FXR1: variants seen among roughly 807,000 people sequenced by gnomAD.
The protein encoded by FXR1 is RNA-binding protein FXR1.
A neutral mutation model predicts 84.0 loss-of-function variants in FXR1; 15 were observed. That is an observed-to-expected ratio of 0.18 (90% CI 0.12 to 0.27). FXR1 has a LOEUF of 0.27. FXR1 is among the 10% of genes least tolerant of loss of function. The pLI, the probability that FXR1 is intolerant of heterozygous loss-of-function variation, is 1.00. For missense variants in FXR1, 480 were observed against 774.4 expected (o/e 0.62, Z 4.51); for synonymous variants, 245 against 250.7 (o/e 0.98, Z 0.21).
chr3:180,917,055 C>T (rs143867854), intron 1 of FXR1, among the ~76,000 whole-genome samples: 1 of 151,848 alleles, frequency 6.6e-6, no homozygotes, highest in Non-Finnish European at 1.5e-5. Context: ...AGGATGTTCT[C>T]GATCTCCAGG....
chr3:180,925,774 G>A (rs1719102214), intron 1 of FXR1, among the ~76,000 whole-genome samples: 1 of 152,222 alleles, frequency 6.6e-6, no homozygotes, highest in Admixed American at 6.5e-5. Flanking sequence ...ATTGATCAAG[G>A]GATAAAAAGT....
chr3:180,928,723 G>C (rs1212232569), intron 1 of FXR1, among the ~76,000 whole-genome samples: 4 of 152,134 alleles, frequency 2.6e-5, no homozygotes, highest in African/African-American at 7.2e-5. Flanking sequence ...ACAGCTGCCT[G>C]TTGTTTACAT....
chr3:180,918,281 T>C (rs867238594), intron 1 of FXR1, among the ~76,000 whole-genome samples: 1 of 152,150 alleles, frequency 6.6e-6, no homozygotes, highest in Non-Finnish European at 1.5e-5. Flanking sequence ...CCAAGAACTC[T>C]GTGAGGTTGG....
intron 14 of FXR1, among the ~76,000 whole-genome samples, chr3:180,968,562 ATTTTGGGGTTATGTTT>A (rs1713132536): frequency 6.6e-6 from 1 of 152,032 alleles, no homozygotes; most frequent in African/African-American, 2.4e-5. Context: ...TTTCCCTAGA[ATTTTGGGGTTATGTTT>A]TTTTGTTTGC....
chr3:180,932,304 T>A (rs1258038606), intron 1 of FXR1, among the ~76,000 whole-genome samples: 4 of 152,154 alleles, frequency 2.6e-5, no homozygotes, highest in Non-Finnish European at 4.4e-5. Flanking sequence ...GTGATAAAGA[T>A]GTTTTAGAAA....
At chr3:180,936,798 C>T (rs1720573738) in intron 3 of FXR1, among the ~76,000 whole-genome samples, 1 of 152,178 alleles carries the variant, frequency 6.6e-6, no homozygotes, top group South Asian at 2.1e-4. Flanking sequence ...CAAAATAGTA[C>T]ACAGTGAACT....
rs1263192205 is a variant in FXR1, at chr3:180,951,421, G to A, written c.754G>A (p.Ala252Thr). 5.6e-6 allele frequency: 9 copies of A among 1,612,792 alleles called. No homozygotes were observed. The highest frequency in any genetic ancestry group is 2.2e-5 in the South Asian group (2 of 91,036). ...QQARKVPGVT[A>T]IELDEDTGTF... ...AGCTAGGAAGGTTCCTGGAGTTACCGCCATTGAGCTAGATGAAGATACTGG... is the reference window on the plus strand; with the variant it reads ...AGCTAGGAAGGTTCCTGGAGTTACCACCATTGAGCTAGATGAAGATACTGG... The change falls in exon 8 of 17, where the codon GCC becomes ACC. Residue 252 changes from alanine to threonine, a missense_variant. This residue lies in a region of FXR1 where 136 missense variants were observed against 315.4 expected (regional missense o/e 0.43). Transcript: ENST00000357559.
At chr3:180,961,605 A>G (rs1368629809) in intron 11 of FXR1, 51 bp downstream of exon 11, 5 of 836,560 alleles carry the variant, frequency 6.0e-6, no homozygotes, top group Non-Finnish European at 1.0e-5. Context: ...CATTTACTAC[A>G]TAAATGTTGT....
At position 180,981,185 on chromosome 3, in the gene FXR1, T is replaced by C. The variant is rs909363008; in HGVS notation, c.*4893T>C. On this transcript the variant is annotated 3_prime_UTR_variant, in exon 17 of 17. Transcript: ENST00000357559. ...TCTGCATTCTAACCTAAAACCCCTC[T>C]AACCCTTTAAATGAAGCATTATGCC... 6.6e-6 allele frequency: 1 copy of C among 152,078 alleles called. No individual in the cohort carries two copies. Among genetic ancestry groups the C allele is most frequent in the Middle Eastern group, 3.4e-3 (1 of 294 alleles). 9.4% of individuals were successfully genotyped at this position (152,078 alleles called of 1,614,324 possible).
chr3:180,922,924 C>T (rs984421050), intron 1 of FXR1, among the ~76,000 whole-genome samples: 3 of 152,116 alleles, frequency 2.0e-5, no homozygotes, highest in African/African-American at 4.8e-5. Flanking sequence ...CCTCCCCATC[C>T]TTTTAACTTC....
At chr3:180,942,377 CAAA>C (rs765066164) in intron 3 of FXR1, among the ~76,000 whole-genome samples, 16 of 31,100 alleles carry the variant, frequency 5.1e-4, no homozygotes, top group East Asian at 1.4e-3. Context: ...GACTCCGTCT[CAAA>C]AAAAAAAAAA....
In FXR1 at chr3:180,957,986, T is replaced by G. The variant is rs1711548332; in HGVS notation, c.990+58T>G. On this transcript the variant is annotated intron_variant, in intron 10 of 16. Transcript: ENST00000357559. ...AATGTCCTTTTTTTGGCCAACTTAA[T>G]AGTTGTAAACATTTTGTCTGTTTTA... The G allele has an allele frequency of 4.1e-6, 3 of 740,722 alleles. No individual in the cohort carries two copies. In the East Asian group the frequency reaches 7.9e-5, roughly 19 times the overall value. 45.9% of individuals were successfully genotyped at this position (740,722 alleles called of 1,614,324 possible). A position where few individuals can be genotyped will look rare whatever the true frequency, so the allele number is the denominator to read the frequency against.
chr3:180,951,760 A>AT (rs113291593), intron 8 of FXR1, among the ~76,000 whole-genome samples: 4,800 of 152,298 alleles, frequency 0.032, 262 homozygotes, highest in African/African-American at 0.11. Flanking sequence ...CTATCGAAGT[A>AT]TTTTTTTGAA....
intron 15 of FXR1, among the ~76,000 whole-genome samples, chr3:180,973,637 A>G (rs1483160381): frequency 1.3e-5 from 2 of 152,354 alleles, no homozygotes; most frequent in African/African-American, 2.4e-5. Context: ...TATATTAGCA[A>G]TGAATTTAAA....
At chr3:180,964,385 T>C (rs566503143) in intron 13 of FXR1, among the ~76,000 whole-genome samples, 2 of 152,266 alleles carry the variant, frequency 1.3e-5, no homozygotes, top group South Asian at 4.1e-4. Flanking sequence ...TGAATAATTT[T>C]ATTAGCTTTT....
intron 7 of FXR1, 57 bp from the exon 8 acceptor site, chr3:180,951,241 C>CA (rs1315684737): frequency 1.3e-5 from 15 of 1,148,416 alleles, no homozygotes; most frequent in Non-Finnish European, 1.8e-5. Context: ...CCAAACCATA[C>CA]AAAAAAGCCA....
In FXR1 at chr3:180,976,389, C is replaced by T. The variant is rs1714249358; in HGVS notation, c.*97C>T. The T allele has an allele frequency of 3.9e-6, 3 of 774,882 alleles. No individual in the cohort carries two copies. Among genetic ancestry groups the T allele is most frequent in the Admixed American group, 5.6e-5 (2 of 35,482 alleles). The allele number at this position is 774,882 out of a possible 1,614,324, so 48.0% of individuals were successfully genotyped here. A position where few individuals can be genotyped will look rare whatever the true frequency, so the allele number is the denominator to read the frequency against. On this transcript the variant is annotated 3_prime_UTR_variant, in exon 17 of 17. Coordinates refer to ENST00000357559, the MANE Select transcript of FXR1 (RefSeq NM_005087.4). ...ATAGAATATGGATCGCCAGTCTTTA[C>T]ATCGCACTTTCAGTTCCTCCATTTG...
chr3:180,923,088 T>C (rs1353993400), intron 1 of FXR1, among the ~76,000 whole-genome samples: 1 of 152,246 alleles, frequency 6.6e-6, no homozygotes, highest in Non-Finnish European at 1.5e-5. Context: ...ATTTTTACAT[T>C]TAAATAGTAC....
At chr3:180,945,171 A>C (rs1241871451) in intron 3 of FXR1, among the ~76,000 whole-genome samples, 1 of 152,228 alleles carries the variant, frequency 6.6e-6, no homozygotes, top group Non-Finnish European at 1.5e-5. Flanking sequence ...CAGTCCTTGA[A>C]TACTTTGGAA....
Sources: allele counts gnomAD v4.1 joint callset (sites outside exome capture counted in the v4.1 genomes callset), GRCh38; gene constraint gnomAD v4.1.1; regional missense constraint gnomAD v4.1.1; transcripts MANE v1.5; gene names NCBI Gene and HGNC (gene_info 2026-07-23, HGNC 2026-07-21).